Variants in DIPK1A observed in about 807,000 individuals in gnomAD.
The protein encoded by DIPK1A is divergent protein kinase domain 1A, also known as family with sequence similarity 69 member A.
DIPK1A carries 27 observed loss-of-function variants against 40.8 expected under a neutral mutation model. The ratio of observed to expected loss-of-function variants is 0.66; its 90% CI spans 0.49 to 0.91. The LOEUF (loss-of-function observed/expected upper bound fraction) is 0.91, where lower values mean the gene tolerates loss of function less well. Among genes scored for constraint, DIPK1A ranks in the 40% least tolerant of loss-of-function variants. DIPK1A has a pLI of 0.00. For missense variants in DIPK1A, 412 were observed against 505.7 expected (o/e 0.81, Z 1.78); for synonymous variants, 166 against 171.3 (o/e 0.97, Z 0.24).
At chr1:92,928,200 C>G (rs1650596919) in intron 1 of DIPK1A, among the ~76,000 whole-genome samples, 2 of 152,154 alleles carry the variant, frequency 1.3e-5, no homozygotes, top group African/African-American at 4.8e-5. Context: ...CTTTGCTGAA[C>G]TCTTTGCATT....
chr1:92,937,306 A>T (rs553591778), intron 1 of DIPK1A, among the ~76,000 whole-genome samples: 39 of 64,748 alleles, frequency 6.0e-4, no homozygotes, highest in South Asian at 2.2e-3. Context: ...AAAAAATATT[A>T]AAAAAAAATA....
rs531435892 is a variant in DIPK1A at position 92,906,208 on chromosome 1, T to C, written c.55-29778A>G. The stretch of plus-strand genomic sequence containing the variant: ...CAAGCTAGCTTGATACTGTTTTAAA[T>C]GTAAGTTTCTCTTCTTCCACCCACT... On this transcript the variant is annotated intron_variant, in intron 1 of 4. Coordinates refer to ENST00000370310, the MANE Select transcript of DIPK1A (RefSeq NM_001006605.5). Among the ~76,000 whole-genome samples the C allele has an allele frequency of 3.3e-5, 5 of 152,302 alleles. No homozygotes were observed. The South Asian group carries it at 1.0e-3, about 32-fold the overall frequency.
At chr1:92,932,399 C>T (rs1156696185) in intron 1 of DIPK1A, 1 of 152,288 alleles carries the variant, frequency 6.6e-6, no homozygotes, top group Admixed American at 6.6e-5. Context: ...TGAGATCACG[C>T]CACTGCACTC....
At chr1:92,875,978 TAAA>T (rs966080954) in intron 2 of DIPK1A, among the ~76,000 whole-genome samples, 14 of 150,894 alleles carry the variant, frequency 9.3e-5, no homozygotes, top group African/African-American at 3.4e-4. Context: ...GTCTAAACAT[TAAA>T]AAACTCATCT....
intron 1 of DIPK1A, among the ~76,000 whole-genome samples, chr1:92,903,952 G>GTTT (rs1324587613): frequency 1.3e-5 from 2 of 152,176 alleles, no homozygotes; most frequent in Admixed American, 1.3e-4. Context: ...AGCTGCAGCA[G>GTTT]TTTTTAGAAG....
chr1:92,873,047 G>C (rs1223313660), intron 2 of DIPK1A, among the ~76,000 whole-genome samples: 1 of 152,142 alleles, frequency 6.6e-6, no homozygotes, highest in Non-Finnish European at 1.5e-5. Context: ...CTGCTTCTCA[G>C]ATCCCTGCCC....
chr1:92,944,786 T>C (rs1295014364), intron 1 of DIPK1A, among the ~76,000 whole-genome samples: 57 of 152,026 alleles, frequency 3.7e-4, no homozygotes, highest in Non-Finnish European at 1.6e-4. Flanking sequence ...CTAATTTTTG[T>C]ATTAGGATCA....
intron 1 of DIPK1A, among the ~76,000 whole-genome samples, chr1:92,911,163 T>G (rs1649810810): frequency 6.6e-6 from 1 of 152,224 alleles, no homozygotes; most frequent in Admixed American, 6.5e-5. Context: ...AAATTAATGT[T>G]AAAACCTAAT....
chr1:92,843,088 T>G lies in DIPK1A; in HGVS notation c.*295A>C. ...AAATCTACAAATCACTCACTGTTGATGTTTATGGAATGAAGCTTTTCACAG... is the reference window on the plus strand; with the variant it reads ...AAATCTACAAATCACTCACTGTTGAGGTTTATGGAATGAAGCTTTTCACAG... On this transcript the variant is annotated 3_prime_UTR_variant, in exon 5 of 5. Coordinates refer to ENST00000370310, the MANE Select transcript of DIPK1A (RefSeq NM_001006605.5). The G allele has an allele frequency of 9.4e-7, 1 of 1,069,206 alleles. No homozygotes were observed. Among genetic ancestry groups the G allele is most frequent in the Non-Finnish European group, 1.1e-6 (1 of 883,440 alleles). 66.2% of individuals were successfully genotyped at this position (1,069,206 alleles called of 1,614,324 possible). A position where few individuals can be genotyped will look rare whatever the true frequency, so the allele number is the denominator to read the frequency against.
At chr1:92,950,951 T>A (rs1484755727) in intron 1 of DIPK1A, among the ~76,000 whole-genome samples, 1 of 152,228 alleles carries the variant, frequency 6.6e-6, no homozygotes, top group Non-Finnish European at 1.5e-5. Flanking sequence ...TACTTTTTTT[T>A]ACTATTAGAA....
intron 1 of DIPK1A, chr1:92,933,290 A>C (rs965456832): frequency 3.3e-5 from 5 of 152,230 alleles, no homozygotes; most frequent in African/African-American, 1.2e-4. Context: ...AAAAGTTCTA[A>C]GAAGAAACTG....
At chr1:92,832,856 A>G (rs1306292926) in exon 5 of DIPK1A, 1 of 612,942 alleles carries the variant, frequency 1.6e-6, no homozygotes, top group Non-Finnish European at 2.9e-6. Flanking sequence ...GCTTTGTGGC[A>G]GGTAATTTAG....
intron 1 of DIPK1A, among the ~76,000 whole-genome samples, chr1:92,950,670 C>T (rs1283212750): frequency 2.0e-5 from 3 of 152,164 alleles, no homozygotes; most frequent in Non-Finnish European, 2.9e-5. Context: ...ATGATTGTGC[C>T]ACTGCACTCC....
At chr1:92,839,459 C>A (rs1481227696), downstream of DIPK1A, among the ~76,000 whole-genome samples, 2 of 152,074 alleles carry the variant, frequency 1.3e-5, no homozygotes. Flanking sequence ...CCACTAGATA[C>A]TAGGGATAGA....
At chr1:92,886,231 C>T (rs1477704589) in intron 1 of DIPK1A, among the ~76,000 whole-genome samples, 1 of 151,966 alleles carries the variant, frequency 6.6e-6, no homozygotes, top group East Asian at 1.9e-4. Flanking sequence ...ACTTGGAAGG[C>T]TGAGGCAGGA....
intron 1 of DIPK1A, among the ~76,000 whole-genome samples, chr1:92,948,667 G>A (rs1325360019): frequency 5.6e-5 from 8 of 142,472 alleles, no homozygotes; most frequent in South Asian, 2.2e-4. Flanking sequence ...ATATACATAT[G>A]TGTATATATA....
intron 1 of DIPK1A, among the ~76,000 whole-genome samples, chr1:92,939,615 C>T (rs1651075261): frequency 2.0e-5 from 3 of 152,264 alleles, no homozygotes; most frequent in South Asian, 4.1e-4. Context: ...TACCCCTTTC[C>T]TCCCACATTC....
At chr1:92,896,514 T>A (rs1649173579) in intron 1 of DIPK1A, among the ~76,000 whole-genome samples, 1 of 151,776 alleles carries the variant, frequency 6.6e-6, no homozygotes, top group Admixed American at 6.6e-5. Context: ...TCAAGATGGA[T>A]TAAAGACTTA....
chr1:92,868,694 G>A (rs565200301), intron 2 of DIPK1A, among the ~76,000 whole-genome samples: 10 of 152,108 alleles, frequency 6.6e-5, no homozygotes, highest in Admixed American at 5.9e-4. Context: ...GGCTGGGTGC[G>A]GTGGCTCATA....
Sources: gnomAD v4.1 joint callset for allele counts (sites outside exome capture counted in the v4.1 genomes callset) on GRCh38, gnomAD v4.1.1 for gene constraint, MANE v1.5 for transcripts, NCBI Gene and HGNC (gene_info 2026-07-23, HGNC 2026-07-21) for gene names.